Variants in FUS observed in about 807,000 individuals in gnomAD.
FUS encodes the protein FUS RNA binding protein, also known as RNA-binding protein FUS.
In FUS, 5 loss-of-function variants were observed where a neutral mutation model predicts 82.7. The ratio of observed to expected loss-of-function variants is 0.06; its 90% CI spans 0.03 to 0.13. The LOEUF (loss-of-function observed/expected upper bound fraction) is 0.13, where lower values mean the gene tolerates loss of function less well. Ranked by LOEUF, FUS falls within the 10% of genes least tolerant of loss-of-function variation. The pLI is 1.00. For missense variants in FUS, 512 were observed against 707.8 expected, an observed-to-expected ratio of 0.72 and a Z score of 3.14; for synonymous variants, 281 against 247.4, an observed-to-expected ratio of 1.14 and a Z score of -1.27.
downstream of FUS, chr16:31,192,664 G>A (rs775543417): frequency 4.1e-5 from 20 of 482,100 alleles, 1 homozygote; most frequent in Middle Eastern, 2.5e-3. Flanking sequence ...GAGTTTAAGC[G>A]ATTCTCCTGC....
In FUS at chr16:31,184,418, C is replaced by T. The variant is rs118174709; in HGVS notation, c.523+22C>T. 6.7e-3 allele frequency: 10,459 copies of T among 1,565,902 alleles called. 50 individuals are homozygous for T. Among genetic ancestry groups the T allele is most frequent in the Middle Eastern group, 0.014 (85 of 5,968 alleles). The stretch of plus-strand genomic sequence containing the variant: ...GGAGGTGAGATGTCTTCAGCTTTGT[C>T]TGCAGCCCATTTTCTTTTTCTTTTT... On this transcript the variant is annotated intron_variant, in intron 5 of 14. Coordinates refer to ENST00000254108, the MANE Select transcript of FUS (RefSeq NM_004960.4).
In FUS at chr16:31,184,333, G is replaced by T; in HGVS notation, c.460G>T (p.Gly154Cys). Residue 154 changes from glycine (G) to cysteine (C), a missense_variant, in exon 5 of 15, where the codon GGC (glycine) becomes TGC (cysteine). Gly to Cys is a radical substitution (Grantham distance 159). Around this residue, in one of 6 missense-constraint regions of FUS, gnomAD observed 276 missense variants for 303.3 expected, o/e 0.91. Coordinates refer to ENST00000254108, the MANE Select transcript of FUS (RefSeq NM_004960.4). Reference protein sequence around the residue: ...GQQQSYNPPQGYGQQNQYNSS... With the variant: ...GQQQSYNPPQCYGQQNQYNSS... ...GCAGCAAAGCTATAATCCCCCTCAG[G>T]GCTATGGACAGCAGAACCAGTACAA... is the stretch of plus-strand genomic sequence containing the variant. The T allele has an allele frequency of 6.2e-7, 1 of 1,614,170 alleles. No individual in the cohort carries two copies. Among genetic ancestry groups the T allele is most frequent in the Non-Finnish European group, 8.5e-7 (1 of 1,180,028 alleles).
At chr16:31,186,738 C>A (rs946504095) in intron 6 of FUS, 64 bp from the exon 7 acceptor site, 6 of 1,537,574 alleles carry the variant, frequency 3.9e-6, no homozygotes, top group South Asian at 1.1e-5. Context: ...TAAACAAAAT[C>A]AAAAAACAAC....
chr16:31,190,453 A>G (rs2079337745), intron 12 of FUS, 55 bp downstream of exon 12: 6 of 1,611,592 alleles, frequency 3.7e-6, no homozygotes, highest in Admixed American at 1.7e-5. Context: ...TCTTTGATAT[A>G]TTGGTACTGA....
chr16:31,189,304 T>C, intron 9 of FUS, 78 bp downstream of exon 9: 1 of 1,094,984 alleles, frequency 9.1e-7, no homozygotes, highest in Non-Finnish European at 1.4e-6. Flanking sequence ...AAGCAAGTCT[T>C]TAATGGTTGC....
At position 31,190,023 on chromosome 16, in the gene FUS, A is replaced by G; in HGVS notation, c.1067-17A>G. On this transcript the variant is annotated splice_polypyrimidine_tract_variant and intron_variant, in intron 10 of 14. Transcript: ENST00000254108. ...GTCTTGCATTTAAAGTCTGTTGATG[A>G]TTTTTTGTTTCTCTAGGTAAAGAAT... is the stretch of plus-strand genomic sequence containing the variant. 6.2e-7 allele frequency: 1 copy of G among 1,602,628 alleles called. No individual in the cohort carries two copies. Among genetic ancestry groups the G allele is most frequent in the Non-Finnish European group, 8.5e-7 (1 of 1,173,556 alleles).
intron 6 of FUS, 159 bp downstream of exon 6, chr16:31,185,338 C>T (rs1157884301): frequency 2.3e-6 from 2 of 871,882 alleles, no homozygotes; most frequent in Non-Finnish European, 3.5e-6. Flanking sequence ...TTTACATCCC[C>T]ATTTTATTTT....
intron 7 of FUS, 107 bp from the exon 8 acceptor site, chr16:31,188,218 G>T: frequency 1.7e-6 from 2 of 1,169,622 alleles, no homozygotes; most frequent in Middle Eastern, 2.2e-4. Context: ...TTACAAGTTT[G>T]GATTTGGTGT....
At chr16:31,186,639 A>G (rs1017833965) in intron 6 of FUS, 163 bp from the exon 7 acceptor site, 34 of 690,292 alleles carry the variant, frequency 4.9e-5, no homozygotes, top group Admixed American at 4.8e-4. Context: ...ACATGCTCAA[A>G]GGTCAGACAA....
At chr16:31,184,035 A>G in intron 4 of FUS, 33 bp downstream of exon 4, 1 of 1,613,216 alleles carries the variant, frequency 6.2e-7, no homozygotes, top group South Asian at 1.1e-5. Flanking sequence ...GAAGGCTTGA[A>G]AAGAGGGGTG....
intron 9 of FUS, 44 bp downstream of exon 9, chr16:31,189,270 C>A (rs1489406556): frequency 2.9e-6 from 4 of 1,371,630 alleles, no homozygotes; most frequent in Middle Eastern, 1.8e-4. Flanking sequence ...GTGTTGTAGG[C>A]TTGTGGATTT....
At chr16:31,189,429 C>G (rs1002008024) in intron 9 of FUS, among the ~76,000 whole-genome samples, 4 of 152,180 alleles carry the variant, frequency 2.6e-5, no homozygotes, top group African/African-American at 9.7e-5. Context: ...TATAACTTAT[C>G]AGAGTACCCT....
At chr16:31,188,752 T>C (rs1384051648) in intron 8 of FUS, 2 of 464,784 alleles carry the variant, frequency 4.3e-6, no homozygotes, top group Non-Finnish European at 7.7e-6. Context: ...CTGTTTAGGT[T>C]GTATTGATGT....
At chr16:31,192,176 A>G (rs1567480326), downstream of FUS, 1 of 528,440 alleles carries the variant, frequency 1.9e-6, no homozygotes, top group African/African-American at 1.9e-5. Context: ...TGGCTGGGTT[A>G]CTTTCACATC....
intron 12 of FUS, 102 bp from the exon 13 acceptor site, chr16:31,190,640 C>G: frequency 7.9e-7 from 1 of 1,268,154 alleles, no homozygotes; most frequent in Non-Finnish European, 1.2e-6. Context: ...TCTGAAGCTT[C>G]AGTTTCCTCA....
Position 31,190,328 on chromosome 16 carries a change from G to C in FUS, c.1222G>C (p.Gly408Arg). 6.2e-7 allele frequency: 1 copy of C among 1,614,178 alleles called. No homozygotes were observed. Among genetic ancestry groups the C allele is most frequent in the Non-Finnish European group, 8.5e-7 (1 of 1,180,046 alleles). ...TGGTGGCAGTGGTGGTGGTGGCCGA[G>C]GAGGATTTCCCAGTGGAGGTGGTGG... is the stretch of plus-strand genomic sequence containing the variant. Reference protein sequence around the residue: ...GGGGSGGGGRGGFPSGGGGGG... With the variant: ...GGGGSGGGGRRGFPSGGGGGG... Residue 408 changes from glycine (G) to arginine (R), a missense_variant, in exon 12 of 15, where the codon GGA (glycine) becomes CGA (arginine). Transcript: ENST00000254108.
Position 31,180,193 on chromosome 16 carries a change from G to T in FUS, c.-22G>T, listed in dbSNP as rs367908240. The T allele has an allele frequency of 5.6e-6, 9 of 1,610,512 alleles. No individual in the cohort carries two copies. Among genetic ancestry groups the T allele is most frequent in the Non-Finnish European group, 6.8e-6 (8 of 1,178,402 alleles). On this transcript the variant is annotated 5_prime_UTR_variant, in exon 1 of 15. Transcript: ENST00000254108. ...GGTGTTGGAACTTCGTTGCTTGCTT[G>T]CCTGTGCGCGCGTGCGCGGACATGG...
chr16:31,191,734 A>G (rs549663492), downstream of FUS: 10 of 648,820 alleles, frequency 1.5e-5, no homozygotes, highest in African/African-American at 3.5e-5. Context: ...AGAAGGCCAA[A>G]TGATATCCTT....
At chr16:31,187,511 T>C in intron 7 of FUS, 1 of 228,542 alleles carries the variant, frequency 4.4e-6, no homozygotes, top group African/African-American at 2.2e-5. Context: ...CAGCACAAAC[T>C]GAATTCATGG....
Sources: allele counts gnomAD v4.1 joint callset (sites outside exome capture counted in the v4.1 genomes callset), GRCh38; gene constraint gnomAD v4.1.1; regional missense constraint gnomAD v4.1.1; transcripts MANE v1.5; gene names NCBI Gene and HGNC (gene_info 2026-07-23, HGNC 2026-07-21).